The following XXYLT1 variants were observed in gnomAD, a reference collection of about 807,000 sequenced individuals.
XXYLT1 encodes UDP-xylose:alpha-xyloside alpha-1,3-xylosyltransferase.
In XXYLT1, 20 loss-of-function variants were observed where a neutral mutation model predicts 28.9. The ratio of observed to expected loss-of-function variants is 0.69; its 90% confidence interval spans 0.49 to 1.00. The LOEUF (loss-of-function observed/expected upper bound fraction) is 1.00, where lower values mean the gene tolerates loss of function less well. Ranked by LOEUF, XXYLT1 falls within the 50% of genes least tolerant of loss-of-function variation. XXYLT1 has a pLI of 0.00. For missense variants in XXYLT1, 542 were observed against 560.1 expected, an observed-to-expected ratio of 0.97 and a Z score of 0.33; for synonymous variants, 257 against 253.8, an observed-to-expected ratio of 1.01 and a Z score of -0.12.
rs1311963025 is a variant in XXYLT1 at position 195,143,855 on chromosome 3, GATATAT to G, written c.785+12588_785+12593del. On this transcript the variant is annotated intron_variant, in intron 3 of 3. Transcript: ENST00000310380. Reference sequence around the variant, plus strand: ...AGATATAGATATAGATATATATATAGATATATATAGATATAGATATATATATATATA... The same window carrying G: ...AGATATAGATATAGATATATATATAGATAGATATAGATATATATATATATA... Among the ~76,000 whole-genome samples the G allele has an allele frequency of 4.0e-5, 3 of 75,534 alleles. 1 individual carries two copies. The East Asian group carries it at 3.7e-3, about 92-fold the overall frequency. 49.6% of individuals were successfully genotyped at this position (75,534 alleles called of 152,430 possible).
At chr3:195,139,166 A>G (rs1719353605) in intron 3 of XXYLT1, among the ~76,000 whole-genome samples, 1 of 152,212 alleles carries the variant, frequency 6.6e-6, no homozygotes, top group African/African-American at 2.4e-5. Context: ...CTGGAGACAG[A>G]GAGTCATCAG....
At chr3:195,231,193 T>C (rs1724283748) in intron 1 of XXYLT1, among the ~76,000 whole-genome samples, 1 of 152,208 alleles carries the variant, frequency 6.6e-6, no homozygotes, top group Admixed American at 6.5e-5. Context: ...CATATAGAAA[T>C]GCTAATGATT....
At chr3:195,245,427 G>A (rs1437333371) in intron 1 of XXYLT1, among the ~76,000 whole-genome samples, 1 of 151,994 alleles carries the variant, frequency 6.6e-6, no homozygotes, top group Non-Finnish European at 1.5e-5. Flanking sequence ...AAAGTGCTGG[G>A]ATTACAGGAA....
intron 2 of XXYLT1, among the ~76,000 whole-genome samples, chr3:195,167,098 G>A (rs559992620): frequency 3.3e-5 from 5 of 152,350 alleles, no homozygotes; most frequent in South Asian, 4.1e-4. Flanking sequence ...TTCTCGCAGC[G>A]CCATGTCGGC....
intron 2 of XXYLT1, among the ~76,000 whole-genome samples, chr3:195,212,710 A>C (rs1219945095): frequency 1.3e-5 from 2 of 152,182 alleles, no homozygotes; most frequent in African/African-American, 4.8e-5. Flanking sequence ...TGATGATCTG[A>C]GGTGGAACCG....
In XXYLT1 at chr3:195,173,386, G is replaced by A. The variant is rs1392360242; in HGVS notation, c.653-16805C>T. ...CCATTATGGCCTGGTTCTGCTCCTG[G>A]CCTCATTCTCCTTTGTGTTGTTACC... On this transcript the variant is annotated intron_variant, in intron 2 of 3. Coordinates refer to ENST00000310380, the MANE Select transcript of XXYLT1 (RefSeq NM_152531.5). The surrounding 1 kb of genome is among the most constrained non-coding windows in gnomAD (Gnocchi z 4.3). Among the ~76,000 whole-genome samples the A allele has an allele frequency of 6.6e-6, 1 of 152,104 alleles. No individual in the cohort carries two copies. The highest frequency in any genetic ancestry group is 2.4e-5 in the African/African-American group (1 of 41,412).
intron 1 of XXYLT1, among the ~76,000 whole-genome samples, chr3:195,236,921 G>A (rs954604291): frequency 2.6e-5 from 4 of 152,072 alleles, no homozygotes; most frequent in South Asian, 2.1e-4. Flanking sequence ...GGGGCCTCAT[G>A]ACTCTGCCTG....
chr3:195,250,077 T>A (rs1725191272), intron 1 of XXYLT1, among the ~76,000 whole-genome samples: 1 of 152,096 alleles, frequency 6.6e-6, no homozygotes, highest in Admixed American at 6.5e-5. Flanking sequence ...GGAGCTGCCC[T>A]CCTCCTGCTA....
chr3:195,259,147 G>A (rs993698674), intron 1 of XXYLT1, among the ~76,000 whole-genome samples: 1 of 152,260 alleles, frequency 6.6e-6, no homozygotes, highest in African/African-American at 2.4e-5. Context: ...GAGCAGGGCC[G>A]CAGGGGCCAG....
intron 3 of XXYLT1, among the ~76,000 whole-genome samples, chr3:195,106,090 A>C (rs78282290): frequency 0.011 from 1,652 of 152,350 alleles, 23 homozygotes; most frequent in African/African-American, 0.038. Context: ...CTCTTTATCC[A>C]AAAGTGCCCA....
chr3:195,222,941 T>C (rs759865991), intron 2 of XXYLT1, among the ~76,000 whole-genome samples: 18 of 152,032 alleles, frequency 1.2e-4, no homozygotes, highest in Non-Finnish European at 2.6e-4. Context: ...TCAGTAATGA[T>C]GGCCAGGTGC....
chr3:195,122,039 G>A (rs1304716067), intron 3 of XXYLT1: 2 of 702,904 alleles, frequency 2.8e-6, no homozygotes, highest in African/African-American at 3.5e-5. Flanking sequence ...TCTAGAGGCT[G>A]GGAAGTCCAA....
intron 3 of XXYLT1, among the ~76,000 whole-genome samples, chr3:195,118,707 C>T (rs1718176154): frequency 1.3e-5 from 2 of 152,336 alleles, no homozygotes; most frequent in South Asian, 4.1e-4. Flanking sequence ...AGTTAAATCT[C>T]ATTAATGCAA....
At chr3:195,086,661 G>C (rs1247005388) in intron 3 of XXYLT1, among the ~76,000 whole-genome samples, 1 of 152,184 alleles carries the variant, frequency 6.6e-6, no homozygotes, top group African/African-American at 2.4e-5. Flanking sequence ...CTCTGGCTGG[G>C]TGGGCACTGG....
intron 3 of XXYLT1, among the ~76,000 whole-genome samples, chr3:195,073,454 C>T (rs2108637629): frequency 6.6e-6 from 1 of 152,328 alleles, no homozygotes; most frequent in Middle Eastern, 3.4e-3. Context: ...AGTCCTGGAG[C>T]ATCCAGAAGT....
At chr3:195,181,257 G>GCA (rs1452978172) in intron 2 of XXYLT1, among the ~76,000 whole-genome samples, 16 of 119,164 alleles carry the variant, frequency 1.3e-4, no homozygotes, top group African/African-American at 5.7e-4. Context: ...CACACTGGCT[G>GCA]TGTATCTGCG....
At chr3:195,261,642 C>T (rs1399183788) in intron 1 of XXYLT1, among the ~76,000 whole-genome samples, 1 of 152,082 alleles carries the variant, frequency 6.6e-6, no homozygotes, top group Non-Finnish European at 1.5e-5. Flanking sequence ...GTTGTAACAC[C>T]TTACAGGGTA....
chr3:195,152,204 G>A lies in XXYLT1; in HGVS notation c.785+4245C>T, dbSNP rs1309711129. The A allele has an allele frequency of 2.0e-5, 3 of 152,604 alleles. No homozygotes were observed. In the East Asian group the frequency reaches 5.8e-4, roughly 29 times the overall value. 9.5% of individuals were successfully genotyped at this position (152,604 alleles called of 1,614,324 possible). A position where few individuals can be genotyped will look rare whatever the true frequency, so the allele number is the denominator to read the frequency against. ...TTTACTTTTCTAATACTTTCATGAG[G>A]AAACAAATTCAAAATGGCACATCTT... On this transcript the variant is annotated intron_variant, in intron 3 of 3. Coordinates refer to ENST00000310380, the MANE Select transcript of XXYLT1 (RefSeq NM_152531.5).
At chr3:195,174,941 T>C (rs1428897232) in intron 2 of XXYLT1, among the ~76,000 whole-genome samples, 1 of 152,074 alleles carries the variant, frequency 6.6e-6, no homozygotes, top group Non-Finnish European at 1.5e-5. Flanking sequence ...TGTTTACTTA[T>C]CTATGGTTGG....
Sources: gnomAD v4.1 joint callset for allele counts (sites outside exome capture counted in the v4.1 genomes callset) on GRCh38, gnomAD v4.1.1 for gene constraint, Gnocchi (gnomAD v3.1) non-coding constraint, MANE v1.5 for transcripts, NCBI Gene and HGNC (gene_info 2026-07-23, HGNC 2026-07-21) for gene names.